Variants in RBFOX1 observed in about 807,000 individuals in gnomAD.
The protein encoded by RBFOX1 is RNA binding fox-1 homolog 1, also known as RNA binding protein fox-1 homolog 1.
RBFOX1 carries 8 observed loss-of-function variants against 57.7 expected under a neutral mutation model. The observed-to-expected ratio is 0.14, with a 90% CI of 0.08 to 0.25. The LOEUF is 0.25. RBFOX1 is among the 10% of genes least tolerant of loss of function. RBFOX1 has a pLI of 1.00. For missense variants in RBFOX1, 611 were observed against 548.5 expected, an observed-to-expected ratio of 1.11 and a Z score of -1.14; for synonymous variants, 326 against 222.4, an observed-to-expected ratio of 1.47 and a Z score of -4.15.
intron 3 of RBFOX1, among the ~76,000 whole-genome samples, chr16:5,631,668 G>T (rs2048512295): frequency 6.6e-6 from 1 of 151,976 alleles, no homozygotes. Flanking sequence ...CCACCTCCTA[G>T]AACGGAAGCT....
chr16:5,352,693 A>C (rs2151318906), intron 1 of RBFOX1, among the ~76,000 whole-genome samples: 1 of 152,352 alleles, frequency 6.6e-6, no homozygotes, highest in East Asian at 1.9e-4. Flanking sequence ...TTGTAATTCC[A>C]GCACTTTGGG....
At chr16:6,652,082 T>A (rs916942713) in intron 2 of RBFOX1, among the ~76,000 whole-genome samples, 2 of 152,162 alleles carry the variant, frequency 1.3e-5, no homozygotes, top group Admixed American at 6.6e-5. Flanking sequence ...TGGAGATTAG[T>A]CCTTTAGGGA....
At chr16:6,893,256 A>G (rs2153382884) in intron 3 of RBFOX1, among the ~76,000 whole-genome samples, 1 of 152,306 alleles carries the variant, frequency 6.6e-6, no homozygotes, top group South Asian at 2.1e-4. Context: ...TCCCAGAAGA[A>G]CACCGTGGGA....
chr16:5,953,804 G>T (rs2059569276), intron 4 of RBFOX1, among the ~76,000 whole-genome samples: 1 of 151,852 alleles, frequency 6.6e-6, no homozygotes, highest in Admixed American at 6.6e-5. Flanking sequence ...GAATTGTGCT[G>T]CTGTAAACCT....
At chr16:6,864,065 C>T (rs1460846792) in intron 3 of RBFOX1, among the ~76,000 whole-genome samples, 4 of 149,524 alleles carry the variant, frequency 2.7e-5, no homozygotes, top group African/African-American at 9.9e-5. Flanking sequence ...GAACCTTCTT[C>T]AGACTACAGG....
intron 4 of RBFOX1, among the ~76,000 whole-genome samples, chr16:7,499,538 T>C (rs1159363269): frequency 6.6e-6 from 1 of 152,066 alleles, no homozygotes; most frequent in Admixed American, 6.6e-5. Flanking sequence ...TATGAAAAAA[T>C]AAAAATTGAG....
chr16:5,295,637 C>A (rs2063647819), intron 1 of RBFOX1, among the ~76,000 whole-genome samples: 1 of 152,210 alleles, frequency 6.6e-6, no homozygotes, highest in African/African-American at 2.4e-5. Context: ...CTCCATCTGG[C>A]CGCTCATGAC....
chr16:6,494,223 C>G (rs571822175), intron 2 of RBFOX1, among the ~76,000 whole-genome samples: 2 of 152,118 alleles, frequency 1.3e-5, no homozygotes, highest in Admixed American at 6.6e-5. Flanking sequence ...ATTTGAATTT[C>G]CCTAAGGTTA....
At position 7,385,657 on chromosome 16, in the gene RBFOX1, T is replaced by C. The variant is rs868375861; in HGVS notation, c.28-132490T>C. ...CTTGTTTTCAAAACCTGTACCTGGTTTTGATTTCTACACAGGGATGCAACT... is the reference window on the plus strand; with the variant it reads ...CTTGTTTTCAAAACCTGTACCTGGTCTTGATTTCTACACAGGGATGCAACT... On this transcript the variant is annotated intron_variant, in intron 4 of 15. Transcript: ENST00000550418. 4.6e-5 allele frequency among the ~76,000 whole-genome samples: 7 copies of C among 152,264 alleles called. No homozygotes were observed. The South Asian group carries it at 1.5e-3, about 32-fold the overall frequency.
At chr16:5,273,204 C>G (rs2063057689) in intron 1 of RBFOX1, among the ~76,000 whole-genome samples, 2 of 151,168 alleles carry the variant, frequency 1.3e-5, no homozygotes, top group African/African-American at 2.4e-5. Flanking sequence ...GTTTAGAGCT[C>G]AAAGCCACGA....
At chr16:7,035,109 A>G (rs1196834213) in intron 3 of RBFOX1, among the ~76,000 whole-genome samples, 1 of 151,568 alleles carries the variant, frequency 6.6e-6, no homozygotes, top group Non-Finnish European at 1.5e-5. Context: ...TGGCCTCCCA[A>G]AGTGCTGGGA....
chr16:5,864,318 G>A (rs1047338106), intron 3 of RBFOX1, among the ~76,000 whole-genome samples: 2 of 152,122 alleles, frequency 1.3e-5, no homozygotes, highest in African/African-American at 4.8e-5. Context: ...TGGTTTAAAC[G>A]TATATTTAAT....
chr16:6,027,597 A>G (rs144267892), intron 1 of RBFOX1, among the ~76,000 whole-genome samples: 1,874 of 152,276 alleles, frequency 0.012, 24 homozygotes, highest in South Asian at 0.021. Context: ...AGCCTGGTAA[A>G]TTATTTTAGC....
intron 3 of RBFOX1, among the ~76,000 whole-genome samples, chr16:6,827,624 C>T (rs1030809812): frequency 6.6e-6 from 1 of 152,198 alleles, no homozygotes; most frequent in Non-Finnish European, 1.5e-5. Context: ...CCCCATCCTT[C>T]ACTGCTCAGC....
chr16:6,934,066 G>A (rs908933274), intron 3 of RBFOX1, among the ~76,000 whole-genome samples: 3 of 152,190 alleles, frequency 2.0e-5, no homozygotes, highest in African/African-American at 7.2e-5. Flanking sequence ...GGCCTTGAGG[G>A]TAGGCGTACG....
At chr16:6,297,315 C>T (rs1294586537) in intron 1 of RBFOX1, among the ~76,000 whole-genome samples, 1 of 152,258 alleles carries the variant, frequency 6.6e-6, no homozygotes, top group Non-Finnish European at 1.5e-5. Context: ...TCATTTTACC[C>T]AGCCCATATT....
chr16:7,080,918 A>G (rs928282179), intron 4 of RBFOX1, among the ~76,000 whole-genome samples: 3 of 152,206 alleles, frequency 2.0e-5, no homozygotes, highest in Non-Finnish European at 4.4e-5. Context: ...GCAGTTTCTC[A>G]TTGCTTGTGG....
chr16:6,666,681 G>T (rs916108448), intron 3 of RBFOX1, among the ~76,000 whole-genome samples: 3 of 152,144 alleles, frequency 2.0e-5, no homozygotes, highest in Admixed American at 1.3e-4. Context: ...TTCACAGGAA[G>T]AAGAAAATAC....
intron 4 of RBFOX1, among the ~76,000 whole-genome samples, chr16:7,196,502 G>A (rs145279925): frequency 1.8e-4 from 28 of 152,268 alleles, no homozygotes; most frequent in Non-Finnish European, 2.8e-4. Context: ...TTTAAGAGGC[G>A]TCTACAATGT....
Sources: gnomAD v4.1 joint callset for allele counts (sites outside exome capture counted in the v4.1 genomes callset) on GRCh38, gnomAD v4.1.1 for gene constraint, MANE v1.5 for transcripts, NCBI Gene and HGNC (gene_info 2026-07-23, HGNC 2026-07-21) for gene names.